The following BORCS5 variants were observed in gnomAD, a reference collection of about 807,000 sequenced individuals.
BORCS5 encodes the protein BLOC-1-related complex subunit 5.
A neutral mutation model predicts 22.1 loss-of-function variants in BORCS5; 17 were observed. The ratio of observed to expected loss-of-function variants is 0.77; its 90% CI spans 0.53 to 1.15. The LOEUF is 1.15. Among genes scored for constraint, BORCS5 ranks in the 50% most tolerant of loss-of-function variants. BORCS5 has a pLI of 0.00. For synonymous variants in BORCS5, 117 were observed against 99.8 expected (o/e 1.17, Z -1.03); for missense variants, 247 against 253.2 (o/e 0.98, Z 0.17).
At chr12:12,402,074 A>G (rs1035607497) in intron 2 of BORCS5, among the ~76,000 whole-genome samples, 2 of 152,018 alleles carry the variant, frequency 1.3e-5, no homozygotes, top group Non-Finnish European at 1.5e-5. Flanking sequence ...TCAAAAAAAA[A>G]AAAAAAAAAA....
rs1943279604 is a variant in BORCS5, at chr12:12,470,572, C to T, written c.*4796C>T. Reference sequence around the variant, plus strand: ...TGGAACGGTTTCATCCAGAAACCATCCCCCTGCTTCCCTGTCTGTAGAAAA... The same window carrying T: ...TGGAACGGTTTCATCCAGAAACCATTCCCCTGCTTCCCTGTCTGTAGAAAA... On this transcript the variant is annotated 3_prime_UTR_variant, in exon 4 of 4. Coordinates refer to ENST00000314565, the MANE Select transcript of BORCS5 (RefSeq NM_058169.6). Among the ~76,000 whole-genome samples, 2 of 152,044 alleles carry T rather than the reference C, an allele frequency of 1.3e-5. No individual in the cohort carries two copies. The highest frequency in any genetic ancestry group is 4.2e-4 in the South Asian group (2 of 4,816).
chr12:12,382,119 G>A (rs757751733), intron 2 of BORCS5, among the ~76,000 whole-genome samples: 3 of 151,250 alleles, frequency 2.0e-5, no homozygotes, highest in African/African-American at 4.9e-5. Flanking sequence ...AGGAATACCC[G>A]AGGCTGGGTA....
At chr12:12,396,150 G>C (rs753028258) in intron 2 of BORCS5, among the ~76,000 whole-genome samples, 7 of 152,026 alleles carry the variant, frequency 4.6e-5, no homozygotes, top group Middle Eastern at 3.2e-3. Flanking sequence ...ACCACGCCCA[G>C]CTAATTTTTG....
intron 2 of BORCS5, among the ~76,000 whole-genome samples, chr12:12,361,885 A>G (rs1311619678): frequency 1.3e-5 from 2 of 152,184 alleles, no homozygotes; most frequent in Admixed American, 1.3e-4. Flanking sequence ...GAGAAGAGAG[A>G]TTACCCACCC....
At chr12:12,434,989 A>G (rs2136124179) in intron 2 of BORCS5, among the ~76,000 whole-genome samples, 1 of 152,342 alleles carries the variant, frequency 6.6e-6, no homozygotes, top group Non-Finnish European at 1.5e-5. Context: ...GCCCTGCTAC[A>G]TACCTATAAA....
chr12:12,430,635 A>G (rs1219257463), intron 2 of BORCS5, among the ~76,000 whole-genome samples: 2 of 152,184 alleles, frequency 1.3e-5, no homozygotes, highest in African/African-American at 4.8e-5. Context: ...TTTAAAAAAT[A>G]TTTAAGGGGG....
intron 2 of BORCS5, among the ~76,000 whole-genome samples, chr12:12,373,626 T>C (rs1863578494): frequency 6.6e-6 from 1 of 152,204 alleles, no homozygotes. Flanking sequence ...ATTTTACTTA[T>C]AAGACCCTCC....
intron 2 of BORCS5, among the ~76,000 whole-genome samples, chr12:12,394,508 T>C (rs1284195033): frequency 6.6e-6 from 1 of 151,658 alleles, no homozygotes; most frequent in African/African-American, 2.4e-5. Context: ...AAGTAAGATA[T>C]AACTGGATGT....
rs1941857360 is a variant in BORCS5, at chr12:12,414,444, ACCTC to A, written c.203-21177_203-21174del. On this transcript the variant is annotated intron_variant, in intron 2 of 3. Coordinates refer to ENST00000314565, the MANE Select transcript of BORCS5 (RefSeq NM_058169.6). The stretch of plus-strand genomic sequence containing the variant: ...GGCCGGGCGGGGGGCTGACCCCCCC[ACCTC>A]CCTCCCGGACGGGGCGGCTGGCTGG... 4.5e-5 allele frequency among the ~76,000 whole-genome samples: 3 copies of A among 66,314 alleles called. 1 individual carries two copies. The highest frequency in any genetic ancestry group is 8.6e-4 in the East Asian group (2 of 2,330). The allele number at this position is 66,314 out of a possible 152,430, so 43.5% of individuals were successfully genotyped here.
Position 12,416,371 on chromosome 12 carries a change from G to A in BORCS5, c.203-19257G>A, listed in dbSNP as rs138032154. ...TATTTCTATCCTTCTGCTAACTTTG[G>A]GTTTAGTTTGTTTTTCTAGTTCCTT... On this transcript the variant is annotated intron_variant, in intron 2 of 3. Coordinates refer to ENST00000314565, the MANE Select transcript of BORCS5 (RefSeq NM_058169.6). Among the ~76,000 whole-genome samples, 109 of 151,154 alleles carry A rather than the reference G, an allele frequency of 7.2e-4. 1 individual carries two copies. Among genetic ancestry groups the A allele is most frequent in the African/African-American group, 2.6e-3 (107 of 41,222 alleles).
At chr12:12,448,013 C>T (rs781066289) in intron 3 of BORCS5, among the ~76,000 whole-genome samples, 8 of 152,088 alleles carry the variant, frequency 5.3e-5, no homozygotes, top group Non-Finnish European at 1.0e-4. Context: ...TTACCATGTG[C>T]CAGGTCTAGA....
chr12:12,399,963 A>G (rs1045764359), intron 2 of BORCS5, among the ~76,000 whole-genome samples: 1 of 152,238 alleles, frequency 6.6e-6, no homozygotes, highest in Non-Finnish European at 1.5e-5. Context: ...CATTAGCCAA[A>G]TGTTTGCTAA....
At chr12:12,360,095 G>A (rs1863245341) in intron 1 of BORCS5, among the ~76,000 whole-genome samples, 1 of 152,138 alleles carries the variant, frequency 6.6e-6, no homozygotes. Context: ...TGGGCGTGAT[G>A]GCTCACACCC....
At chr12:12,416,970 T>C (rs1317980674) in intron 2 of BORCS5, among the ~76,000 whole-genome samples, 3 of 150,966 alleles carry the variant, frequency 2.0e-5, no homozygotes, top group Non-Finnish European at 4.4e-5. Flanking sequence ...TTTTTTTTTT[T>C]AGTAGAGGTG....
intron 2 of BORCS5, among the ~76,000 whole-genome samples, chr12:12,424,691 G>GT (rs1313700956): frequency 2.0e-5 from 3 of 151,300 alleles, no homozygotes; most frequent in Non-Finnish European, 2.9e-5. Context: ...TGGGTTTACT[G>GT]TTTTTTGGGT....
At chr12:12,358,674 G>C (rs1035219545) in intron 1 of BORCS5, among the ~76,000 whole-genome samples, 1 of 152,058 alleles carries the variant, frequency 6.6e-6, no homozygotes, top group Non-Finnish European at 1.5e-5. Context: ...CCCTGTGCCC[G>C]GTACTTTACA....
rs1230695362 is a variant in BORCS5 at position 12,370,096 on chromosome 12, TTA to T, written c.202+8750_202+8751del. On this transcript the variant is annotated intron_variant, in intron 2 of 3. Transcript: ENST00000314565. The stretch of plus-strand genomic sequence containing the variant: ...ATACGTTAGAAATCCCATAGTGGTT[TTA>T]TACACACACACACACACACACACAC... 2.0e-3 allele frequency among the ~76,000 whole-genome samples: 237 copies of T among 117,460 alleles called. 3 individuals carry two copies. Among genetic ancestry groups the T allele is most frequent in the African/African-American group, 7.0e-3 (230 of 32,870 alleles). The allele number at this position is 117,460 out of a possible 152,430, so 77.1% of individuals were successfully genotyped here. A position where few individuals can be genotyped will look rare whatever the true frequency, so the allele number is the denominator to read the frequency against.
At chr12:12,397,081 GT>G (rs1352628003) in intron 2 of BORCS5, among the ~76,000 whole-genome samples, 1 of 152,088 alleles carries the variant, frequency 6.6e-6, no homozygotes, top group East Asian at 1.9e-4. Flanking sequence ...TTTTGGCCTT[GT>G]TTTTGTTAAA....
intron 3 of BORCS5, among the ~76,000 whole-genome samples, chr12:12,445,256 G>A (rs1488325333): frequency 6.6e-6 from 1 of 152,046 alleles, no homozygotes; most frequent in African/African-American, 2.4e-5. Flanking sequence ...TGCCCAGGCT[G>A]GTCTTGAACT....
Sources: gnomAD v4.1 joint callset for allele counts (sites outside exome capture counted in the v4.1 genomes callset) on GRCh38, gnomAD v4.1.1 for gene constraint, MANE v1.5 for transcripts, NCBI Gene and HGNC (gene_info 2026-07-23, HGNC 2026-07-21) for gene names.